STPG2: variants seen among roughly 807,000 people sequenced by gnomAD.
STPG2 encodes the protein sperm tail PG-rich repeat containing 2.
Under a neutral mutation model 54.2 loss-of-function variants are expected in STPG2, and 56 were observed. That is an observed-to-expected ratio of 1.03 (90% CI 0.83 to 1.29). The LOEUF (loss-of-function observed/expected upper bound fraction) is 1.29. STPG2 is among the 50% of genes most tolerant of loss of function. The pLI, the probability that STPG2 is intolerant of heterozygous loss-of-function variation, is 0.00. For synonymous variants in STPG2, 200 were observed against 181.8 expected (o/e 1.10, Z -0.81); for missense variants, 596 against 544.9 (o/e 1.09, Z -0.93).
intron 7 of STPG2, among the ~76,000 whole-genome samples, chr4:97,967,134 C>T (rs749773011): frequency 5.8e-5 from 8 of 138,260 alleles, no homozygotes; most frequent in Admixed American, 5.6e-4. Context: ...CAGAGACACA[C>T]ACAGGCTCAA....
intron 9 of STPG2, among the ~76,000 whole-genome samples, chr4:97,755,776 GA>G (rs1160818048): frequency 6.6e-6 from 1 of 152,140 alleles, no homozygotes; most frequent in Non-Finnish European, 1.5e-5. Context: ...GACCCTCTAT[GA>G]AAGATGTGCA....
At chr4:97,483,639 T>G (rs1341011070) in intron 4 of STPG2, among the ~76,000 whole-genome samples, 1 of 151,606 alleles carries the variant, frequency 6.6e-6, no homozygotes, top group Non-Finnish European at 1.5e-5. Flanking sequence ...GACTTCACTA[T>G]TCCACTGACA....
chr4:97,797,903 G>T (rs1454198976), intron 9 of STPG2, among the ~76,000 whole-genome samples: 3 of 152,174 alleles, frequency 2.0e-5, no homozygotes, highest in East Asian at 3.9e-4. Flanking sequence ...ACTTCTTCCT[G>T]GTTTAGTCTT....
chr4:98,112,571 T>G (rs151032553), intron 3 of STPG2, among the ~76,000 whole-genome samples: 301 of 152,268 alleles, frequency 2.0e-3, no homozygotes, highest in African/African-American at 7.1e-3. Context: ...TGACAGAACT[T>G]TAATGTTTGC....
chr4:98,019,137 T>C (rs1471671810), intron 5 of STPG2, among the ~76,000 whole-genome samples: 4 of 152,220 alleles, frequency 2.6e-5, no homozygotes, highest in Admixed American at 1.3e-4. Flanking sequence ...TCTTCTAGAC[T>C]TTTTATGGTT....
intron 5 of STPG2, among the ~76,000 whole-genome samples, chr4:98,013,587 T>C (rs1735828705): frequency 1.9e-5 from 1 of 52,898 alleles, no homozygotes; most frequent in East Asian, 4.0e-4. Context: ...GGGCTTTTTT[T>C]TTTTTTTTTT....
chr4:97,887,826 A>C (rs1372031503), intron 8 of STPG2, among the ~76,000 whole-genome samples: 1 of 152,184 alleles, frequency 6.6e-6, no homozygotes, highest in Non-Finnish European at 1.5e-5. Flanking sequence ...CAGGACCAGA[A>C]GCCTAGGAGA....
chr4:97,590,268 A>G (rs992371897), intron 10 of STPG2, among the ~76,000 whole-genome samples: 2 of 152,094 alleles, frequency 1.3e-5, no homozygotes, highest in Non-Finnish European at 1.5e-5. Flanking sequence ...AAGGCTGAAG[A>G]AAGAAGCTGA....
At chr4:97,686,086 G>A (rs1723180207) in intron 10 of STPG2, among the ~76,000 whole-genome samples, 1 of 152,178 alleles carries the variant, frequency 6.6e-6, no homozygotes, top group African/African-American at 2.4e-5. Context: ...ACACCACTCA[G>A]TCTTCAAATG....
chr4:97,682,877 T>C (rs1723075292), intron 10 of STPG2, among the ~76,000 whole-genome samples: 1 of 151,708 alleles, frequency 6.6e-6, no homozygotes, highest in Admixed American at 6.6e-5. Context: ...AAAAACTCAA[T>C]TAGAAAAGAA....
At chr4:97,608,403 G>A (rs543167621) in intron 10 of STPG2, among the ~76,000 whole-genome samples, 155 of 152,136 alleles carry the variant, frequency 1.0e-3, no homozygotes, top group Non-Finnish European at 2.0e-3. Flanking sequence ...GTATAAGTGA[G>A]CTGAGCCCGT....
intron 4 of STPG2, among the ~76,000 whole-genome samples, chr4:98,107,356 TAC>T (rs1739218042): frequency 1.8e-5 from 1 of 56,504 alleles, no homozygotes; most frequent in Admixed American, 1.4e-4. Context: ...CTGAGACAAC[TAC>T]AAGTCAAAGA....
intron 9 of STPG2, among the ~76,000 whole-genome samples, chr4:97,727,634 C>A (rs907821175): frequency 2.0e-5 from 3 of 151,614 alleles, no homozygotes; most frequent in African/African-American, 7.3e-5. Context: ...AGGTTTATTA[C>A]AGGTCATATC....
intron 8 of STPG2, among the ~76,000 whole-genome samples, chr4:97,908,295 C>T (rs1731529208): frequency 6.6e-6 from 1 of 151,942 alleles, no homozygotes; most frequent in Non-Finnish European, 1.5e-5. Flanking sequence ...CAGAGAAATG[C>T]AAATCAAAAC....
chr4:98,013,883 G>A (rs1382214792), intron 5 of STPG2, among the ~76,000 whole-genome samples: 4 of 151,654 alleles, frequency 2.6e-5, no homozygotes, highest in Non-Finnish European at 5.9e-5. Context: ...TGTAGCTAGT[G>A]GTCTATCTAT....
intron 9 of STPG2, among the ~76,000 whole-genome samples, chr4:97,713,691 C>T (rs1315601165): frequency 1.3e-5 from 2 of 152,160 alleles, no homozygotes; most frequent in African/African-American, 4.8e-5. Context: ...CGGTAATACT[C>T]ACTTGCCCTC....
At chr4:98,082,904 T>C (rs1175281562) in intron 5 of STPG2, among the ~76,000 whole-genome samples, 14 of 152,124 alleles carry the variant, frequency 9.2e-5, no homozygotes, top group Admixed American at 9.2e-4. Flanking sequence ...ATCCAAATAG[T>C]ACTCTAAATA....
chr4:97,524,738 C>T (rs1312935511), intron 4 of STPG2, among the ~76,000 whole-genome samples: 2 of 151,906 alleles, frequency 1.3e-5, no homozygotes, highest in Non-Finnish European at 2.9e-5. Context: ...GGTCTCCAGT[C>T]CTGAGTTTCT....
intron 5 of STPG2, among the ~76,000 whole-genome samples, chr4:98,101,663 A>AT (rs1197300480): frequency 8.5e-5 from 13 of 152,100 alleles, no homozygotes; most frequent in Non-Finnish European, 1.3e-4. Context: ...ACTAAAAAAA[A>AT]TTTTTACAGT....
Sources: gnomAD v4.1 joint callset for allele counts (sites outside exome capture counted in the v4.1 genomes callset) on GRCh38, gnomAD v4.1.1 for gene constraint, MANE v1.5 for transcripts, NCBI Gene and HGNC (gene_info 2026-07-23, HGNC 2026-07-21) for gene names.